The following PLLP variants were observed in gnomAD, a reference collection of about 807,000 sequenced individuals.
PLLP encodes plasma membrane proteolipid (plasmolipin).
A neutral mutation model predicts 19.7 loss-of-function variants in PLLP; 15 were observed. That is an observed-to-expected ratio of 0.76 (90% CI 0.51 to 1.17). The LOEUF (loss-of-function observed/expected upper bound fraction) is 1.17. Ranked by LOEUF, PLLP falls within the 50% of genes most tolerant of loss-of-function variation. The pLI is 0.00. For synonymous variants in PLLP, 111 were observed against 116.3 expected, an observed-to-expected ratio of 0.95 and a Z score of 0.29; for missense variants, 255 against 258.3, an observed-to-expected ratio of 0.99 and a Z score of 0.09.
Position 57,256,629 on chromosome 16 carries a change from A to T in PLLP, c.*284T>A. The T allele has an allele frequency of 2.4e-6, 1 of 423,578 alleles. No homozygotes were observed. 26.2% of individuals were successfully genotyped at this position (423,578 alleles called of 1,614,324 possible). On this transcript the variant is annotated 3_prime_UTR_variant, in exon 4 of 4. Transcript: ENST00000219207. ...AGTCTTGGACGCTGAAGTCCTCTAA[A>T]GACAAGGCAGAGACACAGCCTCAGA...
intron 1 of PLLP, among the ~76,000 whole-genome samples, chr16:57,275,851 T>A (rs777585454): frequency 6.6e-6 from 1 of 152,202 alleles, no homozygotes; most frequent in Non-Finnish European, 1.5e-5. Context: ...CGCCGCGCCT[T>A]GCATTTATAA....
intron 2 of PLLP, among the ~76,000 whole-genome samples, chr16:57,260,059 T>C (rs2075437693): frequency 6.6e-6 from 1 of 150,398 alleles, no homozygotes; most frequent in Admixed American, 6.6e-5. Context: ...ATGAAGTGAG[T>C]ATAGAGGCAG....
At chr16:57,275,594 GA>G (rs1285048131) in intron 1 of PLLP, among the ~76,000 whole-genome samples, 1 of 8,692 alleles carries the variant, frequency 1.2e-4, no homozygotes, top group Non-Finnish European at 2.5e-4. Context: ...ATGAAATAAA[GA>G]AATTCAGCAA....
intron 1 of PLLP, among the ~76,000 whole-genome samples, chr16:57,269,477 G>C (rs1273776856): frequency 6.6e-6 from 1 of 152,174 alleles, no homozygotes; most frequent in African/African-American, 2.4e-5. Context: ...GAAACCATGT[G>C]AAAGAAAACA....
At chr16:57,262,559 CAAAAAT>C (rs67451205) in intron 1 of PLLP, among the ~76,000 whole-genome samples, 123,075 of 149,150 alleles carry the variant, frequency 0.83, 50,419 homozygotes, top group Admixed American at 0.87. Context: ...TCTCAAAAAG[CAAAAAT>C]AATAATAATA....
intron 1 of PLLP, among the ~76,000 whole-genome samples, chr16:57,272,715 G>A (rs1308102816): frequency 6.6e-6 from 1 of 152,208 alleles, no homozygotes; most frequent in African/African-American, 2.4e-5. Context: ...ACTTTGGGAG[G>A]CCAAGGTAGG....
intron 1 of PLLP, among the ~76,000 whole-genome samples, chr16:57,277,412 A>G (rs1490524315): frequency 6.6e-6 from 1 of 152,192 alleles, no homozygotes; most frequent in African/African-American, 2.4e-5. Flanking sequence ...CAACATGGTG[A>G]AACCCTGTCT....
chr16:57,284,497 G>T lies in PLLP; in HGVS notation c.44C>A (p.Pro15His). The part of the protein sequence containing the change: ...PSKVSTRTSS[P>H]AQGAEASVSA... The stretch of plus-strand genomic sequence containing the variant: ...CACCGAGGCTTCGGCGCCCTGCGCA[G>T]GACTGCTGGTCCGCGTGCTAACTTT... The change falls in exon 1 of 4, where the codon CCT becomes CAT. Residue 15 changes from proline to histidine, a missense_variant. Coordinates refer to ENST00000219207, the MANE Select transcript of PLLP (RefSeq NM_015993.3). 1 of 1,429,500 alleles carries T rather than the reference G, an allele frequency of 7.0e-7. No homozygotes were observed. The allele number at this position is 1,429,500 out of a possible 1,614,324, so 88.6% of individuals were successfully genotyped here.
chr16:57,257,332 G>C (rs1314182249), intron 3 of PLLP, among the ~76,000 whole-genome samples: 2 of 152,184 alleles, frequency 1.3e-5, no homozygotes, highest in East Asian at 1.9e-4. Flanking sequence ...GTTCTAAAAA[G>C]ACAACATTCA....
chr16:57,269,391 A>G (rs1387028912), intron 1 of PLLP, among the ~76,000 whole-genome samples: 1 of 152,136 alleles, frequency 6.6e-6, no homozygotes, highest in African/African-American at 2.4e-5. Context: ...CTGTTTCCTC[A>G]TCTGGCAAGT....
chr16:57,257,262 G>C (rs1186999082), intron 3 of PLLP, among the ~76,000 whole-genome samples: 1 of 152,216 alleles, frequency 6.6e-6, no homozygotes, highest in Non-Finnish European at 1.5e-5. Context: ...CTGTCAGATT[G>C]TGATAAGGGC....
chr16:57,283,963 C>T (rs1263631358), intron 1 of PLLP, among the ~76,000 whole-genome samples: 8 of 152,092 alleles, frequency 5.3e-5, no homozygotes, highest in Admixed American at 1.3e-4. Flanking sequence ...GACTTTGCCT[C>T]AGACTGGGTT....
intron 1 of PLLP, among the ~76,000 whole-genome samples, chr16:57,268,037 T>C (rs11645505): frequency 0.4 from 61,063 of 151,610 alleles, 12,566 homozygotes; most frequent in Non-Finnish European, 0.45. Flanking sequence ...GGGGAGACCA[T>C]CGTGTGAAGA....
intron 2 of PLLP, among the ~76,000 whole-genome samples, chr16:57,259,036 C>T (rs1015263789): frequency 1.3e-5 from 2 of 152,150 alleles, no homozygotes; most frequent in Non-Finnish European, 1.5e-5. Flanking sequence ...TGGGTCTTTC[C>T]CACCAACAGG....
At chr16:57,268,766 A>C (rs1167177655) in intron 1 of PLLP, among the ~76,000 whole-genome samples, 1 of 152,156 alleles carries the variant, frequency 6.6e-6, no homozygotes, top group Admixed American at 6.5e-5. Flanking sequence ...TGAGCAAGGA[A>C]CTTAGACCAG....
At chr16:57,272,848 T>G (rs1414360058) in intron 1 of PLLP, among the ~76,000 whole-genome samples, 2 of 151,990 alleles carry the variant, frequency 1.3e-5, no homozygotes, top group Non-Finnish European at 2.9e-5. Flanking sequence ...TCCCAGCTAC[T>G]TGGGAGGCTG....
chr16:57,266,244 A>C (rs764722670), intron 1 of PLLP, among the ~76,000 whole-genome samples: 8 of 150,684 alleles, frequency 5.3e-5, no homozygotes, highest in Non-Finnish European at 1.0e-4. Context: ...CCTGGTTTCC[A>C]GATCAGCGAA....
At chr16:57,263,716 C>A in intron 1 of PLLP, among the ~76,000 whole-genome samples, 1 of 150,880 alleles carries the variant, frequency 6.6e-6, no homozygotes, top group Non-Finnish European at 1.5e-5. Flanking sequence ...CCTCCCCAGC[C>A]CCTCCTACCC....
chr16:57,272,563 T>G (rs1332631266), intron 1 of PLLP, among the ~76,000 whole-genome samples: 2 of 152,142 alleles, frequency 1.3e-5, no homozygotes, highest in Non-Finnish European at 2.9e-5. Flanking sequence ...TGTCTTCCTC[T>G]CTCCCTGGAC....
Sources: gnomAD v4.1 joint callset for allele counts (sites outside exome capture counted in the v4.1 genomes callset) on GRCh38, gnomAD v4.1.1 for gene constraint, MANE v1.5 for transcripts, NCBI Gene and HGNC (gene_info 2026-07-23, HGNC 2026-07-21) for gene names.